Variants in PIWIL3 observed in about 807,000 individuals in gnomAD.
PIWIL3 encodes piwi like RNA-mediated gene silencing 3, also known as piwi-like protein 3.
PIWIL3 carries 101 observed loss-of-function variants against 109.7 expected under a neutral mutation model. The ratio of observed to expected loss-of-function variants is 0.92; its 90% CI spans 0.78 to 1.09. The LOEUF (loss-of-function observed/expected upper bound fraction) is 1.09, where lower values mean the gene tolerates loss of function less well. Ranked by LOEUF, PIWIL3 falls within the 50% of genes least tolerant of loss-of-function variation. The pLI is 0.00. For synonymous variants in PIWIL3, 373 were observed against 376.4 expected, an observed-to-expected ratio of 0.99 and a Z score of 0.10; for missense variants, 1,031 against 1,072.6, an observed-to-expected ratio of 0.96 and a Z score of 0.54.
intron 1 of PIWIL3, among the ~76,000 whole-genome samples, chr22:24,774,044 A>G (rs751792279): frequency 1.3e-3 from 200 of 152,268 alleles, no homozygotes; most frequent in Non-Finnish European, 2.1e-3. Flanking sequence ...ATAAATATAC[A>G]TACTCCACAT....
intron 12 of PIWIL3, among the ~76,000 whole-genome samples, chr22:24,743,785 A>G (rs983405789): frequency 1.3e-5 from 2 of 152,126 alleles, no homozygotes; most frequent in South Asian, 2.1e-4. Flanking sequence ...CCACGTAACT[A>G]CCTGTTCCAC....
chr22:24,735,168 T>C (rs1923588677), intron 13 of PIWIL3, among the ~76,000 whole-genome samples: 1 of 152,174 alleles, frequency 6.6e-6, no homozygotes, highest in South Asian at 2.1e-4. Flanking sequence ...AAAAATACTG[T>C]GCATGAAACC....
intron 17 of PIWIL3, among the ~76,000 whole-genome samples, 157 bp downstream of exon 17, chr22:24,725,288 T>C (rs1922922262): frequency 6.6e-6 from 1 of 152,228 alleles, no homozygotes; most frequent in Admixed American, 6.5e-5. Context: ...CTTTGTCCTC[T>C]ACCCACTAGA....
intron 1 of PIWIL3, among the ~76,000 whole-genome samples, chr22:24,763,405 A>G (rs1316266577): frequency 6.6e-6 from 1 of 152,098 alleles, no homozygotes; most frequent in African/African-American, 2.4e-5. Flanking sequence ...GGCTCCAGCG[A>G]TTCTCCTGCC....
chr22:24,734,129 G>A lies in PIWIL3; in HGVS notation c.1662C>T (p.Ser554=). The A allele has an allele frequency of 6.2e-7, 1 of 1,612,654 alleles. No homozygotes were observed. Among genetic ancestry groups the A allele is most frequent in the Non-Finnish European group, 8.5e-7 (1 of 1,179,508 alleles). ...EMIEVDGDAN[S]YIDTLRKYTR... ...TATATTTCCGTAATGTGTCTATATA[G>A]GAGTTAGCATCACCATCTACTTCAA... Residue 554 remains serine (S), a synonymous_variant, in exon 14 of 21, where the codon TCC becomes TCT. Transcript: ENST00000616349.
At chr22:24,755,746 C>G (rs367762637) in intron 6 of PIWIL3, 38 bp downstream of exon 6, 3 of 1,611,328 alleles carry the variant, frequency 1.9e-6, no homozygotes, top group South Asian at 2.2e-5. Flanking sequence ...GTAAAACAAC[C>G]GAATGAGTAT....
chr22:24,750,783 C>T (rs1441164038), intron 9 of PIWIL3, among the ~76,000 whole-genome samples: 2 of 150,198 alleles, frequency 1.3e-5, no homozygotes, highest in South Asian at 2.1e-4. Context: ...CCACTGCGCC[C>T]GGCCCATATT....
Position 24,748,964 on chromosome 22 carries a change from A to G in PIWIL3, c.1392T>C (p.Phe464=). Residue 464 remains phenylalanine (F), a synonymous_variant, in exon 12 of 21, where the codon TTT becomes TTC. Coordinates refer to ENST00000616349, the MANE Select transcript of PIWIL3 (RefSeq NM_001255975.1). ...QLWDLKFDTN[F]LSVPGRVLKN... ...TCAAAACTCTTCCCGGGACGGACAA[A>G]AAATTGGTATCAAATTTCAAATCCC... 1.2e-6 allele frequency: 2 copies of G among 1,613,852 alleles called. No homozygotes were observed. The highest frequency in any genetic ancestry group is 1.7e-6 in the Non-Finnish European group (2 of 1,179,944).
rs1279063160 is a variant in PIWIL3 at position 24,748,861 on chromosome 22, C to T, written c.1449+46G>A. Reference sequence around the variant, plus strand: ...CAAGTTAGTTCCTTTTTGCTTTACTCTTCATTTGACCCCACCATGACATGA... The same window carrying T: ...CAAGTTAGTTCCTTTTTGCTTTACTTTTCATTTGACCCCACCATGACATGA... On this transcript the variant is annotated intron_variant, in intron 12 of 20. Coordinates refer to ENST00000616349, the MANE Select transcript of PIWIL3 (RefSeq NM_001255975.1). 29 of 1,479,892 alleles carry T rather than the reference C, an allele frequency of 2.0e-5. No individual in the cohort carries two copies. The Admixed American group carries it at 2.7e-4, about 14-fold the overall frequency. The allele number at this position is 1,479,892 out of a possible 1,614,324, so 91.7% of individuals were successfully genotyped here.
rs758336863 is a variant in PIWIL3, at chr22:24,719,509, G to A, written c.2585C>T (p.Pro862Leu). The A allele has an allele frequency of 7.5e-5, 121 of 1,603,368 alleles. No homozygotes were observed. Among genetic ancestry groups the A allele is most frequent in the Admixed American group, 2.5e-4 (14 of 57,038 alleles). Reference sequence around the variant, plus strand: ...GAGACGAGTTGACAAGGAACGATTCGGTTCCTGGTGAATGGACTGCCCCAC... The same window carrying A: ...GAGACGAGTTGACAAGGAACGATTCAGTTCCTGGTGAATGGACTGCCCCAC... ...YLVGQSIHQE[P>L]NRSLSTRLFY... Residue 862 changes from proline (P) to leucine (L), a missense_variant, in exon 21 of 21, where the codon CCG becomes CTG. Coordinates refer to ENST00000616349, the MANE Select transcript of PIWIL3 (RefSeq NM_001255975.1).
intron 1 of PIWIL3, among the ~76,000 whole-genome samples, chr22:24,772,433 T>C (rs2147738872): frequency 6.6e-6 from 1 of 152,294 alleles, no homozygotes; most frequent in South Asian, 2.1e-4. Context: ...TGTGTGACCC[T>C]GAGCAGGTGA....
At position 24,756,520 on chromosome 22, in the gene PIWIL3, AAG is replaced by A; in HGVS notation, c.539_540del (p.Ser180PhefsTer29). The A allele has an allele frequency of 1.2e-6, 2 of 1,614,078 alleles. No individual in the cohort carries two copies. The part of the protein sequence containing the change: ...FGERHIFDGN[S>X]LLLSRPLKER... ...TCTTTTAGTGGCCGAGATAATAATA[AAG>A]AGTTTCCATCAAATATATGGCGCTC... On this transcript the variant is annotated frameshift_variant, in exon 5 of 21. Coordinates refer to ENST00000616349, the MANE Select transcript of PIWIL3 (RefSeq NM_001255975.1). LOFTEE classifies it high-confidence loss of function.
chr22:24,762,763 G>T (rs1365111609), intron 1 of PIWIL3, among the ~76,000 whole-genome samples: 1 of 152,184 alleles, frequency 6.6e-6, no homozygotes, highest in Non-Finnish European at 1.5e-5. Flanking sequence ...AGACCACATG[G>T]CAAGAAGGGA....
intron 10 of PIWIL3, 40 bp from the exon 11 acceptor site, chr22:24,749,561 A>G (rs771130155): frequency 6.2e-7 from 1 of 1,611,998 alleles, no homozygotes; most frequent in East Asian, 2.2e-5. Context: ...ACAAGCATGA[A>G]TTTGAGTGAG....
intron 6 of PIWIL3, among the ~76,000 whole-genome samples, chr22:24,755,496 G>C (rs1601845054): frequency 6.6e-6 from 1 of 152,210 alleles, no homozygotes; most frequent in Admixed American, 6.5e-5. Flanking sequence ...AAATGCATTT[G>C]CTACAGAGAC....
At chr22:24,763,073 A>C (rs1346536790) in intron 1 of PIWIL3, among the ~76,000 whole-genome samples, 1 of 152,086 alleles carries the variant, frequency 6.6e-6, no homozygotes, top group Non-Finnish European at 1.5e-5. Flanking sequence ...TCACATCAAA[A>C]AGACTGACTG....
chr22:24,742,369 A>G (rs2147679663), intron 12 of PIWIL3, among the ~76,000 whole-genome samples: 1 of 144,520 alleles, frequency 6.9e-6, no homozygotes, highest in Non-Finnish European at 1.5e-5. Context: ...TACCATCATC[A>G]TTCTTCATAG....
chr22:24,728,383 C>T lies in PIWIL3; in HGVS notation c.1708-9G>A. ...GGCAGGATACAAATCACCTTGAAAA[C>T]CAGCAAACATGACATTCCCTAAGAT... On this transcript the variant is annotated splice_polypyrimidine_tract_variant and intron_variant, in intron 14 of 20. Coordinates refer to ENST00000616349, the MANE Select transcript of PIWIL3 (RefSeq NM_001255975.1). 3.1e-6 allele frequency: 5 copies of T among 1,614,088 alleles called. No homozygotes were observed. The highest frequency in any genetic ancestry group is 2.2e-5 in the East Asian group (1 of 44,880).
At chr22:24,753,607 C>A (rs1924837374) in intron 8 of PIWIL3, among the ~76,000 whole-genome samples, 2 of 152,154 alleles carry the variant, frequency 1.3e-5, no homozygotes, top group Non-Finnish European at 2.9e-5. Flanking sequence ...GTAACTGGTT[C>A]TTTAAATCCA....
Sources: gnomAD v4.1 joint callset for allele counts (sites outside exome capture counted in the v4.1 genomes callset) on GRCh38, gnomAD v4.1.1 for gene constraint, MANE v1.5 for transcripts, NCBI Gene and HGNC (gene_info 2026-07-23, HGNC 2026-07-21) for gene names.